Variants in PSG2 observed in about 807,000 individuals in gnomAD.
PSG2 encodes the protein pregnancy-specific beta-1-glycoprotein 2.
Under a neutral mutation model 36.2 loss-of-function variants are expected in PSG2, and 49 were observed. The ratio of observed to expected loss-of-function variants is 1.35; its 90% confidence interval spans 1.08 to 1.72. The LOEUF is 1.72. Among genes scored for constraint, PSG2 ranks in the 40% most tolerant of loss-of-function variants. PSG2 has a pLI of 0.00. For synonymous variants in PSG2, 261 were observed against 155.6 expected (o/e 1.68, Z -5.04); for missense variants, 605 against 407.2 (o/e 1.49, Z -4.18).
At chr19:43,081,492 CT>C (rs1362751690) in intron 1 of PSG2, among the ~76,000 whole-genome samples, 1 of 151,396 alleles carries the variant, frequency 6.6e-6, no homozygotes, top group East Asian at 1.9e-4. Context: ...TCCTTCACCA[CT>C]TGTGACCTTG....
At chr19:43,078,723 C>G (rs1273952532) in intron 2 of PSG2, among the ~76,000 whole-genome samples, 3 of 151,688 alleles carry the variant, frequency 2.0e-5, no homozygotes, top group Non-Finnish European at 4.4e-5. Context: ...AAACCTCTGT[C>G]CTCCTGTTTG....
chr19:43,064,686 T>C lies in PSG2; in HGVS notation c.*41-85A>G, dbSNP rs1430882727. On this transcript the variant is annotated intron_variant, in intron 5 of 5. Coordinates refer to ENST00000406487, the MANE Select transcript of PSG2 (RefSeq NM_031246.4). ...AGCAACTGTCTGGGAATGACAGAGA[T>C]TTAAACTGACTATGGTTAAAAATCT... 2.3e-5 allele frequency: 11 copies of C among 487,150 alleles called. 1 individual carries two copies. Among genetic ancestry groups the C allele is most frequent in the African/African-American group, 1.6e-4 (8 of 49,440 alleles). The allele number at this position is 487,150 out of a possible 1,614,324, so 30.2% of individuals were successfully genotyped here. A position where few individuals can be genotyped will look rare whatever the true frequency, so the allele number is the denominator to read the frequency against.
At chr19:43,077,633 T>C (rs958525643) in intron 2 of PSG2, among the ~76,000 whole-genome samples, 2 of 151,662 alleles carry the variant, frequency 1.3e-5, no homozygotes, top group African/African-American at 2.4e-5. Context: ...AGTAAAACCA[T>C]CAGATAGCAC....
At chr19:43,078,936 C>T (rs1403299550) in intron 2 of PSG2, among the ~76,000 whole-genome samples, 1 of 151,612 alleles carries the variant, frequency 6.6e-6, no homozygotes, top group Non-Finnish European at 1.5e-5. Context: ...AGTGGAAGCT[C>T]ATTCTCTTAG....
In PSG2 at chr19:43,075,282, T is replaced by A. The variant is rs112386994; in HGVS notation, c.709+72A>T. The A allele has an allele frequency of 9.3e-6, 15 of 1,612,266 alleles. No homozygotes were observed. In the African/African-American group the frequency reaches 1.7e-4, roughly 19 times the overall value. ...CTCTGTACTTGGACCTGAGAGGGACTGAGAGGCCTGGCCTCTGGCCATGTG... is the reference window on the plus strand; with the variant it reads ...CTCTGTACTTGGACCTGAGAGGGACAGAGAGGCCTGGCCTCTGGCCATGTG... On this transcript the variant is annotated intron_variant, in intron 3 of 5. Transcript: ENST00000406487.
Position 43,082,601 on chromosome 19 carries a change from G to C in PSG2, c.-32C>G. On this transcript the variant is annotated 5_prime_UTR_variant, in exon 1 of 6. Coordinates refer to ENST00000406487, the MANE Select transcript of PSG2 (RefSeq NM_031246.4). Reference sequence around the variant, plus strand: ...TGCTGCCTGTGTGTTCTCCTCTGTGGAGATGAGCCTAGGATCCAGAAACTT... The same window carrying C: ...TGCTGCCTGTGTGTTCTCCTCTGTGCAGATGAGCCTAGGATCCAGAAACTT... The C allele has an allele frequency of 6.2e-7, 1 of 1,608,758 alleles. No individual in the cohort carries two copies.
chr19:43,072,374 T>A, intron 3 of PSG2: 1 of 1,612,528 alleles, frequency 6.2e-7, no homozygotes, highest in Non-Finnish European at 8.5e-7. Flanking sequence ...GGTGACTGGG[T>A]CACTGTGGAT....
intron 2 of PSG2, among the ~76,000 whole-genome samples, chr19:43,078,232 T>C (rs1490398887): frequency 6.6e-6 from 1 of 151,750 alleles, no homozygotes; most frequent in African/African-American, 2.4e-5. Context: ...GCAAGAATGA[T>C]AATAGTTCCT....
At chr19:43,073,116 C>A (rs1217868386) in intron 3 of PSG2, among the ~76,000 whole-genome samples, 2 of 151,756 alleles carry the variant, frequency 1.3e-5, no homozygotes, top group African/African-American at 4.9e-5. Context: ...AGATACTGAG[C>A]AGCCTGGCCT....
intron 5 of PSG2, among the ~76,000 whole-genome samples, chr19:43,064,810 C>A (rs1271378819): frequency 1.3e-5 from 2 of 151,718 alleles, no homozygotes; most frequent in African/African-American, 4.9e-5. Flanking sequence ...TCAGAAATTT[C>A]ATATAATTTT....
chr19:43,068,466 AAAAGAAAG>A (rs538043371), intron 4 of PSG2, among the ~76,000 whole-genome samples: 6,416 of 146,894 alleles, frequency 0.044, 516 homozygotes, highest in African/African-American at 0.16. Context: ...AAAAAAAAAA[AAAAGAAAG>A]AAAGAAAGAA....
chr19:43,064,560 T>C lies in PSG2; in HGVS notation c.*82A>G. The C allele has an allele frequency of 1.5e-6, 1 of 678,690 alleles. No homozygotes were observed. Among genetic ancestry groups the C allele is most frequent in the Non-Finnish European group, 2.8e-6 (1 of 362,976 alleles). The allele number at this position is 678,690 out of a possible 1,614,324, so 42.0% of individuals were successfully genotyped here. On this transcript the variant is annotated 3_prime_UTR_variant, in exon 6 of 6. Coordinates refer to ENST00000406487, the MANE Select transcript of PSG2 (RefSeq NM_031246.4). ...GTATGATCTTGAAGTTATCAGGAGC[T>C]TGTATTCAAGAGTCCTTGTAAGAGA...
At chr19:43,072,580 C>T in intron 3 of PSG2, 2 of 1,611,406 alleles carry the variant, frequency 1.2e-6, no homozygotes, top group Admixed American at 1.7e-5. Context: ...CATCCTTATT[C>T]TCCCTGGGGT....
At position 43,071,750 on chromosome 19, in the gene PSG2, T is replaced by A; in HGVS notation, c.914A>T (p.Asn305Ile). ...GGAGCTTTCCTCGCCAGTGGCTGAG[T>A]TACGAACAGAGCAAACATAGAGCCC... is the stretch of plus-strand genomic sequence containing the variant. ...HSGLYVCSVR[N>I]SATGEESSTS... is the part of the protein sequence containing the mutation. The change falls in exon 4 of 6, where the codon AAC (asparagine) becomes ATC (isoleucine). Residue 305 changes from asparagine (N) to isoleucine (I), a missense_variant. Asn to Ile is a moderately radical substitution (Grantham distance 149). Transcript: ENST00000406487. 6.2e-7 allele frequency: 1 copy of A among 1,612,828 alleles called. No homozygotes were observed.
chr19:43,071,989 A>T (rs369097041), intron 3 of PSG2, 35 bp from the exon 4 acceptor site: 1 of 1,604,670 alleles, frequency 6.2e-7, no homozygotes, highest in South Asian at 1.1e-5. Flanking sequence ...AGGTGATGCC[A>T]TCTGAGGGAA....
intron 3 of PSG2, among the ~76,000 whole-genome samples, chr19:43,074,030 C>T (rs553401361): frequency 7.9e-5 from 12 of 151,558 alleles, no homozygotes; most frequent in African/African-American, 2.4e-4. Context: ...GATTAGTTTT[C>T]GGTCAATTCC....
intron 4 of PSG2, among the ~76,000 whole-genome samples, chr19:43,068,198 G>A (rs193190641): frequency 9.2e-4 from 140 of 151,394 alleles, no homozygotes; most frequent in African/African-American, 3.3e-3. Context: ...CACTTTGGGA[G>A]GTCACAGCAG....
At chr19:43,079,979 G>A (rs1967948986) in intron 2 of PSG2, among the ~76,000 whole-genome samples, 2 of 151,728 alleles carry the variant, frequency 1.3e-5, no homozygotes, top group South Asian at 2.1e-4. Context: ...AATCAAATAA[G>A]CTAAATGGCA....
At chr19:43,077,818 A>G (rs991719053) in intron 2 of PSG2, among the ~76,000 whole-genome samples, 2 of 151,774 alleles carry the variant, frequency 1.3e-5, no homozygotes, top group African/African-American at 4.9e-5. Flanking sequence ...CTCTTCTTGA[A>G]CTTTCCTGTT....
Sources: allele counts gnomAD v4.1 joint callset (sites outside exome capture counted in the v4.1 genomes callset), GRCh38; gene constraint gnomAD v4.1.1; transcripts MANE v1.5; gene names NCBI Gene and HGNC (gene_info 2026-07-23, HGNC 2026-07-21).